The following SPPL2A variants were observed in gnomAD, a reference collection of about 807,000 sequenced individuals.
SPPL2A encodes signal peptide peptidase-like 2A.
SPPL2A carries 51 observed loss-of-function variants against 63.8 expected under a neutral mutation model. That is an observed-to-expected ratio of 0.80 (90% confidence interval 0.64 to 1.01). The LOEUF (loss-of-function observed/expected upper bound fraction) is 1.01, where lower values mean the gene tolerates loss of function less well. Ranked by LOEUF, SPPL2A falls within the 50% of genes least tolerant of loss-of-function variation. The pLI, the probability that SPPL2A is intolerant of heterozygous loss-of-function variation, is 0.00. For missense variants in SPPL2A, 553 were observed against 622.7 expected (o/e 0.89, Z 1.19); for synonymous variants, 188 against 205.8 (o/e 0.91, Z 0.74).
At chr15:50,731,937 A>AAAAAAAAC (rs2062734589) in intron 9 of SPPL2A, among the ~76,000 whole-genome samples, 2 of 126,336 alleles carry the variant, frequency 1.6e-5, no homozygotes, top group Non-Finnish European at 3.4e-5. Context: ...CAAAAAAAAA[A>AAAAAAAAC]AAAAAACCAA....
At chr15:50,728,471 G>A (rs1347029303) in intron 10 of SPPL2A, among the ~76,000 whole-genome samples, 1 of 151,050 alleles carries the variant, frequency 6.6e-6, no homozygotes, top group Non-Finnish European at 1.5e-5. Context: ...AGCCACCCAA[G>A]TAGCTGGGAC....
chr15:50,762,381 AAC>A (rs1555445405), intron 1 of SPPL2A, among the ~76,000 whole-genome samples: 5 of 148,386 alleles, frequency 3.4e-5, no homozygotes, highest in East Asian at 2.1e-4. Context: ...AAAAAAAAAA[AAC>A]AAAAACCCAA....
At chr15:50,757,270 G>A (rs2141060760) in intron 1 of SPPL2A, among the ~76,000 whole-genome samples, 2 of 151,988 alleles carry the variant, frequency 1.3e-5, no homozygotes, top group East Asian at 3.9e-4. Context: ...TTTTAATAGA[G>A]ACGGAGTTTC....
chr15:50,715,460 G>A (rs1012862538), intron 14 of SPPL2A, among the ~76,000 whole-genome samples: 1 of 152,152 alleles, frequency 6.6e-6, no homozygotes, highest in Non-Finnish European at 1.5e-5. Flanking sequence ...AAAATGTGCT[G>A]TAGAATATTT....
At chr15:50,760,252 T>G (rs1420093890) in intron 1 of SPPL2A, among the ~76,000 whole-genome samples, 1 of 142,438 alleles carries the variant, frequency 7.0e-6, no homozygotes, top group East Asian at 2.2e-4. Flanking sequence ...GAAAGCTCTC[T>G]GATGTCTTTT....
rs368399713 is a variant in SPPL2A at position 50,714,500 on chromosome 15, G to A, written c.1488+5440C>T. ...TACAAAATTAGCTGGGCATGGTGGC[G>A]CATGCTTTTAATACCAGCTACTTGG... is the stretch of plus-strand genomic sequence containing the variant. On this transcript the variant is annotated intron_variant, in intron 14 of 14. Transcript: ENST00000261854. Among the ~76,000 whole-genome samples, 506 of 152,024 alleles carry A rather than the reference G, an allele frequency of 3.3e-3. 3 individuals are homozygous for A. The highest frequency in any genetic ancestry group is 0.011 in the African/African-American group (469 of 41,480).
intron 6 of SPPL2A, among the ~76,000 whole-genome samples, chr15:50,737,512 G>A (rs1026827086): frequency 2.0e-5 from 3 of 152,074 alleles, no homozygotes; most frequent in African/African-American, 7.2e-5. Context: ...GAGTGCAATG[G>A]GGCAATCTTG....
chr15:50,718,693 A>G (rs558249111), intron 14 of SPPL2A, among the ~76,000 whole-genome samples: 1 of 152,292 alleles, frequency 6.6e-6, no homozygotes, highest in African/African-American at 2.4e-5. Flanking sequence ...GATTTCCTCA[A>G]AAGAATTCTA....
intron 7 of SPPL2A, 56 bp downstream of exon 7, chr15:50,736,588 T>C: frequency 9.8e-7 from 1 of 1,015,570 alleles, no homozygotes; most frequent in East Asian, 2.4e-5. Context: ...CCTACTTTTG[T>C]ATTGTTTCAA....
intron 5 of SPPL2A, among the ~76,000 whole-genome samples, chr15:50,740,105 A>C (rs1338895016): frequency 6.6e-6 from 1 of 152,156 alleles, no homozygotes; most frequent in Non-Finnish European, 1.5e-5. Context: ...AACTTTTGAA[A>C]CATTTTTTTC....
chr15:50,737,732 C>T (rs1407184876), intron 6 of SPPL2A, among the ~76,000 whole-genome samples: 1 of 152,056 alleles, frequency 6.6e-6, no homozygotes, highest in African/African-American at 2.4e-5. Context: ...GGATTACAGG[C>T]GAGAGCCACC....
rs1050970095 is a variant in SPPL2A at position 50,729,608 on chromosome 15, G to A, written c.1089+1357C>T. ...TGAACTCCAGCTTGGGCGGCAGACC[G>A]AGACCCAGTCTCAAAGAAGAGGAAA... On this transcript the variant is annotated intron_variant, in intron 10 of 14. Coordinates refer to ENST00000261854, the MANE Select transcript of SPPL2A (RefSeq NM_032802.4). Among the ~76,000 whole-genome samples, 7 of 151,914 alleles carry A rather than the reference G, an allele frequency of 4.6e-5. No homozygotes were observed. In the South Asian group the frequency reaches 6.2e-4, roughly 14 times the overall value.
At chr15:50,720,194 CTGAGGATATTTT>C in intron 13 of SPPL2A, 94 bp from the exon 14 acceptor site, 1 of 982,248 alleles carries the variant, frequency 1.0e-6, no homozygotes, top group East Asian at 2.5e-5. Flanking sequence ...TCAAACATTT[CTGAGGATATTTT>C]TGCTCTATGA....
intron 14 of SPPL2A, among the ~76,000 whole-genome samples, chr15:50,711,273 G>A (rs1167881986): frequency 2.7e-5 from 4 of 148,402 alleles, no homozygotes; most frequent in Non-Finnish European, 3.0e-5. Context: ...GCAATGGCGC[G>A]ATCTCGGCTC....
In SPPL2A at chr15:50,704,004, G is replaced by C. The variant is rs1463838772; in HGVS notation, c.*3796C>G. The C allele has an allele frequency of 6.6e-6, 1 of 151,964 alleles. No individual in the cohort carries two copies. Among genetic ancestry groups the C allele is most frequent in the Non-Finnish European group, 1.5e-5 (1 of 67,994 alleles). The allele number at this position is 151,964 out of a possible 1,614,324, so 9.4% of individuals were successfully genotyped here. A position where few individuals can be genotyped will look rare whatever the true frequency, so the allele number is the denominator to read the frequency against. On this transcript the variant is annotated 3_prime_UTR_variant, in exon 15 of 15. Transcript: ENST00000261854. The stretch of plus-strand genomic sequence containing the variant: ...AGATGGGTTAAAATTCTCTTTAAAA[G>C]AGAAATAAATTGCAGATTCTACTAA...
At chr15:50,713,808 G>A (rs1456118706) in intron 14 of SPPL2A, among the ~76,000 whole-genome samples, 1 of 151,950 alleles carries the variant, frequency 6.6e-6, no homozygotes, top group Admixed American at 6.6e-5. Context: ...TCAATGAGTC[G>A]AGAAATAACC....
intron 1 of SPPL2A, 24 bp downstream of exon 1, chr15:50,765,444 C>T (rs1202754177): frequency 6.7e-7 from 1 of 1,499,234 alleles, no homozygotes; most frequent in Non-Finnish European, 8.8e-7. Context: ...CCTGGGAGGC[C>T]TGCGCGCCTT....
chr15:50,738,347 G>A (rs1382215532), intron 6 of SPPL2A, among the ~76,000 whole-genome samples: 1 of 152,010 alleles, frequency 6.6e-6, no homozygotes, highest in African/African-American at 2.4e-5. Flanking sequence ...TCAGGAGTTC[G>A]AGACCAGCCT....
intron 1 of SPPL2A, among the ~76,000 whole-genome samples, chr15:50,756,715 A>G (rs1278247531): frequency 2.0e-5 from 3 of 152,150 alleles, no homozygotes; most frequent in African/African-American, 7.2e-5. Context: ...GCCAGACCCC[A>G]TATCAATTGA....
Sources: allele counts gnomAD v4.1 joint callset (sites outside exome capture counted in the v4.1 genomes callset), GRCh38; gene constraint gnomAD v4.1.1; transcripts MANE v1.5; gene names NCBI Gene and HGNC (gene_info 2026-07-23, HGNC 2026-07-21).